Variants in PDE1A observed in about 807,000 individuals in gnomAD.
The protein encoded by PDE1A is dual specificity calcium/calmodulin-dependent 3',5'-cyclic nucleotide phosphodiesterase 1A.
PDE1A carries 35 observed loss-of-function variants against 61.7 expected under a neutral mutation model. The ratio of observed to expected loss-of-function variants is 0.57; its 90% CI spans 0.43 to 0.75. The LOEUF is 0.75. Among genes scored for constraint, PDE1A ranks in the 30% least tolerant of loss-of-function variants. The pLI, the probability that PDE1A is intolerant of heterozygous loss-of-function variation, is 0.00. For synonymous variants in PDE1A, 232 were observed against 213.2 expected (o/e 1.09, Z -0.77); for missense variants, 597 against 630.6 (o/e 0.95, Z 0.57).
At chr2:182,451,541 G>A (rs62188289) in intron 2 of PDE1A, among the ~76,000 whole-genome samples, 24,238 of 151,878 alleles carry the variant, frequency 0.16, 2,241 homozygotes, top group Middle Eastern at 0.32. Flanking sequence ...TGTGTAAGTA[G>A]CTCTTTAAGC....
At chr2:182,300,545 A>T (rs1559312431) in intron 1 of PDE1A, among the ~76,000 whole-genome samples, 1 of 152,168 alleles carries the variant, frequency 6.6e-6, no homozygotes, top group Non-Finnish European at 1.5e-5. Context: ...ACATATATTT[A>T]AGAGAAGGAT....
intron 2 of PDE1A, among the ~76,000 whole-genome samples, chr2:182,457,597 T>C (rs1686009809): frequency 1.3e-5 from 2 of 151,974 alleles, no homozygotes; most frequent in African/African-American, 2.4e-5. Context: ...TTAATGCTGA[T>C]GTATGGTTTT....
intron 13 of PDE1A, among the ~76,000 whole-genome samples, chr2:182,182,307 A>G (rs183558182): frequency 2.0e-5 from 3 of 152,232 alleles, no homozygotes; most frequent in East Asian, 1.9e-4. Flanking sequence ...AACAAATCCT[A>G]TCAGTTCAGC....
chr2:182,620,195 A>C, the PDE1A span, among the ~76,000 whole-genome samples: 1 of 152,190 alleles, frequency 6.6e-6, no homozygotes, highest in East Asian at 1.9e-4. Context: ...TTATTTAATA[A>C]ATAACAATTA....
intron 8 of PDE1A, 79 bp from the exon 9 acceptor site, chr2:182,201,868 C>A: frequency 1.2e-6 from 1 of 864,954 alleles, no homozygotes; most frequent in Non-Finnish European, 1.9e-6. Flanking sequence ...AATAATCACT[C>A]ACCATGTTTT....
chr2:182,671,537 T>C, the PDE1A span, among the ~76,000 whole-genome samples: 1 of 151,128 alleles, frequency 6.6e-6, no homozygotes, highest in Non-Finnish European at 1.5e-5. Flanking sequence ...AACCCCATTT[T>C]TCCTGATAGG....
intron 1 of PDE1A, among the ~76,000 whole-genome samples, chr2:182,324,241 T>C (rs553224776): frequency 2.0e-5 from 3 of 152,144 alleles, no homozygotes; most frequent in Admixed American, 6.6e-5. Flanking sequence ...TCTCAGTGAT[T>C]AGAGAACAGG....
rs9789594 is a variant in PDE1A, at chr2:182,262,373, C to G, written c.167+1928G>C. Among the ~76,000 whole-genome samples the G allele has an allele frequency of 1.0e-3, 152 of 152,224 alleles. 4 individuals are homozygous for G. The East Asian group carries it at 0.026, about 26-fold the overall frequency. ...CTCGGCCTCCCTGGCTCAAGTGATCCTCCCACCTCAGCCTCCCAAATAGCT... is the reference window on the plus strand; with the variant it reads ...CTCGGCCTCCCTGGCTCAAGTGATCGTCCCACCTCAGCCTCCCAAATAGCT... On this transcript the variant is annotated intron_variant, in intron 2 of 13. Transcript: ENST00000351439.
chr2:182,263,540 T>C (rs1320941744), intron 2 of PDE1A, among the ~76,000 whole-genome samples: 1 of 152,188 alleles, frequency 6.6e-6, no homozygotes, highest in Non-Finnish European at 1.5e-5. Flanking sequence ...TGTCAAATGC[T>C]GGAAATGCAT....
At chr2:182,713,491 T>C in the PDE1A span, among the ~76,000 whole-genome samples, 102,068 of 151,992 alleles carry the variant, frequency 0.67, 34,736 homozygotes, top group Middle Eastern at 0.76. Context: ...ATTATTTAGG[T>C]GTGGTGGCAT....
chr2:182,661,092 C>T, the PDE1A span, among the ~76,000 whole-genome samples: 1 of 152,160 alleles, frequency 6.6e-6, no homozygotes. Context: ...TGAATGTTTA[C>T]GCCTAGTGAG....
At chr2:182,195,306 CT>C (rs975634948) in intron 10 of PDE1A, among the ~76,000 whole-genome samples, 1 of 152,022 alleles carries the variant, frequency 6.6e-6, no homozygotes, top group African/African-American at 2.4e-5. Flanking sequence ...AGCCCTCTTA[CT>C]TTTGTTCTAT....
At chr2:182,395,711 G>A (rs1343988518) in intron 1 of PDE1A, among the ~76,000 whole-genome samples, 1 of 149,318 alleles carries the variant, frequency 6.7e-6, no homozygotes, top group Non-Finnish European at 1.5e-5. Context: ...AGATCCAATG[G>A]TGCTTGAGGT....
chr2:182,284,527 T>C (rs867957295), intron 1 of PDE1A, among the ~76,000 whole-genome samples: 13 of 152,030 alleles, frequency 8.6e-5, no homozygotes, highest in Middle Eastern at 6.8e-3. Context: ...GGGAAATGAG[T>C]ATAAGTTGAA....
At chr2:182,317,516 G>A (rs1188408519) in intron 1 of PDE1A, among the ~76,000 whole-genome samples, 11 of 151,828 alleles carry the variant, frequency 7.2e-5, no homozygotes, top group African/African-American at 2.2e-4. Context: ...GGCAATCATC[G>A]TATAAGATGA....
intron 13 of PDE1A, among the ~76,000 whole-genome samples, chr2:182,172,041 T>C (rs952170641): frequency 6.6e-6 from 1 of 151,972 alleles, no homozygotes; most frequent in Non-Finnish European, 1.5e-5. Context: ...GCATAGCAAA[T>C]GCAGACATAA....
At chr2:182,157,218 T>C (rs977884109) in intron 13 of PDE1A, among the ~76,000 whole-genome samples, 2 of 151,966 alleles carry the variant, frequency 1.3e-5, no homozygotes, top group Non-Finnish European at 2.9e-5. Context: ...TTTCACCATG[T>C]TGGCCAGGCT....
intron 13 of PDE1A, among the ~76,000 whole-genome samples, chr2:182,148,399 A>G (rs1237528983): frequency 2.0e-5 from 3 of 152,208 alleles, no homozygotes; most frequent in African/African-American, 7.2e-5. Context: ...GCAGTGTTGT[A>G]GGATGGCTTT....
intron 1 of PDE1A, among the ~76,000 whole-genome samples, chr2:182,406,096 T>C (rs976105622): frequency 6.6e-6 from 1 of 152,142 alleles, no homozygotes; most frequent in African/African-American, 2.4e-5. Flanking sequence ...ATTTTGAGCA[T>C]GCTGTTAAGC....
Sources: allele counts gnomAD v4.1 joint callset (sites outside exome capture counted in the v4.1 genomes callset), GRCh38; gene constraint gnomAD v4.1.1; transcripts MANE v1.5; gene names NCBI Gene and HGNC (gene_info 2026-07-23, HGNC 2026-07-21).